Variants in RSPO2 observed in about 807,000 individuals in gnomAD.
The protein encoded by RSPO2 is R-spondin 2.
In RSPO2, 14 loss-of-function variants were observed where a neutral mutation model predicts 30.9. That is an observed-to-expected ratio of 0.45 (90% CI 0.30 to 0.71). The LOEUF is 0.71. Ranked by LOEUF, RSPO2 falls within the 30% of genes least tolerant of loss-of-function variation. The probability of loss-of-function intolerance (pLI) is 0.08; values close to 1 mark genes in which losing one functional copy is unlikely to be tolerated. For missense variants in RSPO2, 264 were observed against 301.9 expected (o/e 0.87, Z 0.93); for synonymous variants, 107 against 96.4 (o/e 1.11, Z -0.64).
At chr8:108,051,137 T>G (rs2130679056) in intron 2 of RSPO2, among the ~76,000 whole-genome samples, 1 of 152,212 alleles carries the variant, frequency 6.6e-6, no homozygotes, top group Non-Finnish European at 1.5e-5. Flanking sequence ...ATTAATAAAT[T>G]TGGTGAAGAA....
intron 5 of RSPO2, among the ~76,000 whole-genome samples, chr8:107,935,710 A>G (rs565835): frequency 0.54 from 82,320 of 151,922 alleles, 24,139 homozygotes; most frequent in East Asian, 0.7. Flanking sequence ...CTTTATGGAA[A>G]CTGAAGAGCT....
intron 2 of RSPO2, among the ~76,000 whole-genome samples, chr8:108,022,948 C>T (rs1172149029): frequency 1.4e-5 from 2 of 145,496 alleles, no homozygotes; most frequent in African/African-American, 2.6e-5. Context: ...AAAAAAACCA[C>T]ACACACACTC....
intron 5 of RSPO2, among the ~76,000 whole-genome samples, chr8:107,916,903 T>C (rs1383146367): frequency 1.3e-5 from 2 of 152,240 alleles, no homozygotes; most frequent in African/African-American, 4.8e-5. Flanking sequence ...TGTTACCTTA[T>C]GGTCAAACGA....
At chr8:108,012,639 T>C (rs559695810) in intron 2 of RSPO2, among the ~76,000 whole-genome samples, 7 of 152,202 alleles carry the variant, frequency 4.6e-5, no homozygotes, top group Non-Finnish European at 4.4e-5. Flanking sequence ...TGGAGTGATA[T>C]GTAAGAGAAA....
At chr8:107,966,901 C>T (rs1009062335) in intron 3 of RSPO2, among the ~76,000 whole-genome samples, 1 of 152,168 alleles carries the variant, frequency 6.6e-6, no homozygotes, top group Non-Finnish European at 1.5e-5. Context: ...GAAGGAACCT[C>T]AAACACCCCT....
At chr8:107,946,969 C>G (rs182967716) in intron 5 of RSPO2, among the ~76,000 whole-genome samples, 1 of 152,252 alleles carries the variant, frequency 6.6e-6, no homozygotes, top group East Asian at 1.9e-4. Flanking sequence ...GAGAAGGCAG[C>G]AGGAAGAGCT....
intron 5 of RSPO2, among the ~76,000 whole-genome samples, chr8:107,922,847 CTA>C (rs1156335900): frequency 6.6e-6 from 1 of 151,568 alleles, no homozygotes; most frequent in African/African-American, 2.4e-5. Flanking sequence ...AGACAGAACT[CTA>C]GTCAATAAGT....
intron 2 of RSPO2, among the ~76,000 whole-genome samples, chr8:108,068,771 C>T (rs1288073000): frequency 6.6e-6 from 1 of 152,168 alleles, no homozygotes; most frequent in African/African-American, 2.4e-5. Flanking sequence ...TGTTACAAGT[C>T]AAGGAACACC....
At chr8:108,057,693 A>AG (rs1299143603) in intron 2 of RSPO2, among the ~76,000 whole-genome samples, 2 of 152,224 alleles carry the variant, frequency 1.3e-5, no homozygotes, top group Non-Finnish European at 2.9e-5. Context: ...CAGGTAGAAG[A>AG]GAAAAAAAAT....
chr8:108,021,643 C>G (rs1356287890), intron 2 of RSPO2, among the ~76,000 whole-genome samples: 2 of 152,144 alleles, frequency 1.3e-5, no homozygotes, highest in Non-Finnish European at 2.9e-5. Flanking sequence ...ACTTAACCCT[C>G]TCCTTGGTGG....
chr8:108,044,382 C>G (rs893692487), intron 2 of RSPO2, among the ~76,000 whole-genome samples: 1 of 152,098 alleles, frequency 6.6e-6, no homozygotes, highest in South Asian at 2.1e-4. Context: ...TCAATTACCC[C>G]CCTCTCTGTG....
chr8:107,922,886 A>G (rs2130314276), intron 5 of RSPO2, among the ~76,000 whole-genome samples: 1 of 152,276 alleles, frequency 6.6e-6, no homozygotes, highest in Admixed American at 6.5e-5. Context: ...CATATGCAGA[A>G]GATTGGAACT....
intron 5 of RSPO2, among the ~76,000 whole-genome samples, chr8:107,911,403 T>C (rs896149950): frequency 6.6e-6 from 1 of 152,160 alleles, no homozygotes; most frequent in African/African-American, 2.4e-5. Flanking sequence ...GTTAAGAACA[T>C]GAGTCTGGGG....
At chr8:108,005,140 A>T (rs1395823065) in intron 2 of RSPO2, among the ~76,000 whole-genome samples, 1 of 152,148 alleles carries the variant, frequency 6.6e-6, no homozygotes, top group Non-Finnish European at 1.5e-5. Context: ...ATGACTGGTC[A>T]TATATTTGGG....
chr8:108,035,906 C>G (rs1414139329), intron 2 of RSPO2, among the ~76,000 whole-genome samples: 2 of 152,104 alleles, frequency 1.3e-5, no homozygotes, highest in Admixed American at 6.5e-5. Context: ...TGGGAACCAC[C>G]AAGTCTATCT....
intron 2 of RSPO2, among the ~76,000 whole-genome samples, chr8:108,020,644 T>C (rs1299741025): frequency 6.6e-6 from 1 of 152,204 alleles, no homozygotes; most frequent in Non-Finnish European, 1.5e-5. Context: ...TGTTTATTCA[T>C]TTACAAACAT....
intron 3 of RSPO2, among the ~76,000 whole-genome samples, chr8:107,979,676 T>TAA (rs370253310): frequency 4.1e-4 from 59 of 145,388 alleles, no homozygotes; most frequent in African/African-American, 1.5e-3. Context: ...AAATAATAAT[T>TAA]AAAAAAAAAA....
intron 5 of RSPO2, among the ~76,000 whole-genome samples, chr8:107,935,118 C>T (rs774716546): frequency 6.6e-6 from 1 of 152,146 alleles, no homozygotes; most frequent in Non-Finnish European, 1.5e-5. Flanking sequence ...TAGTATTTCT[C>T]TTCTTACAAA....
intron 2 of RSPO2, among the ~76,000 whole-genome samples, chr8:108,034,203 T>C (rs1287580273): frequency 2.6e-5 from 4 of 152,152 alleles, no homozygotes; most frequent in Admixed American, 6.5e-5. Flanking sequence ...GGGTTTTTTT[T>C]CCCCTCCTTA....
Sources: allele counts gnomAD v4.1 joint callset (sites outside exome capture counted in the v4.1 genomes callset), GRCh38; gene constraint gnomAD v4.1.1; transcripts MANE v1.5; gene names NCBI Gene and HGNC (gene_info 2026-07-23, HGNC 2026-07-21).